The following CSMD1 variants were observed in gnomAD, a reference collection of about 807,000 sequenced individuals.
CSMD1 encodes the protein CUB and sushi domain-containing protein 1.
A neutral mutation model predicts 417.5 loss-of-function variants in CSMD1; 213 were observed. The observed-to-expected ratio is 0.51, with a 90% CI of 0.46 to 0.57. The LOEUF (loss-of-function observed/expected upper bound fraction) is 0.57, where lower values mean the gene tolerates loss of function less well. Ranked by LOEUF, CSMD1 falls within the 20% of genes least tolerant of loss-of-function variation. The pLI is 0.00. For synonymous variants in CSMD1, 2,862 were observed against 1,736.8 expected (o/e 1.65, Z -16.11); for missense variants, 6,923 against 4,529.7 (o/e 1.53, Z -15.17).
intron 2 of CSMD1, among the ~76,000 whole-genome samples, chr8:4,627,445 G>GA (rs1306489782): frequency 6.6e-6 from 1 of 151,986 alleles, no homozygotes; most frequent in African/African-American, 2.4e-5. Flanking sequence ...GATACCTGAA[G>GA]AAAAAAGAAT....
At chr8:3,493,033 C>A (rs1382099974) in intron 11 of CSMD1, among the ~76,000 whole-genome samples, 1 of 151,908 alleles carries the variant, frequency 6.6e-6, no homozygotes, top group Non-Finnish European at 1.5e-5. Context: ...TGGTTCACAC[C>A]TGTAATCCCC....
At chr8:3,832,216 C>T (rs994429627) in intron 5 of CSMD1, among the ~76,000 whole-genome samples, 6 of 152,234 alleles carry the variant, frequency 3.9e-5, no homozygotes, top group African/African-American at 7.2e-5. Flanking sequence ...TAAGCTGTGC[C>T]CTGTCCAGAC....
intron 6 of CSMD1, among the ~76,000 whole-genome samples, chr8:3,744,624 A>T (rs555682171): frequency 6.6e-6 from 1 of 152,346 alleles, no homozygotes; most frequent in South Asian, 2.1e-4. Context: ...TGCAGTGTAC[A>T]TTGTAATGCT....
At chr8:4,987,492 C>G (rs1414083396) in intron 1 of CSMD1, among the ~76,000 whole-genome samples, 2 of 152,158 alleles carry the variant, frequency 1.3e-5, no homozygotes, top group African/African-American at 2.4e-5. Context: ...TTGTAGTTAT[C>G]TCTATCATAT....
At position 3,833,740 on chromosome 8, in the gene CSMD1, G is replaced by C. The variant is rs191777402; in HGVS notation, c.819-79698C>G. Among the ~76,000 whole-genome samples the C allele has an allele frequency of 4.0e-3, 604 of 152,136 alleles. 5 individuals are homozygous for C. The highest frequency in any genetic ancestry group is 0.013 in the African/African-American group (536 of 41,512). The stretch of plus-strand genomic sequence containing the variant: ...ATAAGGTCTATGTTGGCACTTACAT[G>C]GATAATTTTTAAAATGTGGCCCTGG... On this transcript the variant is annotated intron_variant, in intron 5 of 69. Coordinates refer to ENST00000635120, the MANE Select transcript of CSMD1 (RefSeq NM_033225.6).
intron 1 of CSMD1, among the ~76,000 whole-genome samples, chr8:4,980,551 C>G (rs1485464216): frequency 6.6e-6 from 1 of 152,164 alleles, no homozygotes; most frequent in Non-Finnish European, 1.5e-5. Flanking sequence ...TTGAAATCCT[C>G]TGGACAAAAA....
intron 36 of CSMD1, among the ~76,000 whole-genome samples, chr8:3,184,831 A>T (rs1821644813): frequency 6.6e-6 from 1 of 152,022 alleles, no homozygotes; most frequent in Non-Finnish European, 1.5e-5. Context: ...TCATTCTCCA[A>T]CCTTATCCGG....
intron 1 of CSMD1, among the ~76,000 whole-genome samples, chr8:4,948,062 G>A (rs1463960855): frequency 6.6e-6 from 1 of 151,182 alleles, no homozygotes; most frequent in South Asian, 2.1e-4. Flanking sequence ...TACCATAGTA[G>A]TAGAATTTCA....
At chr8:3,266,623 A>G (rs1445751327) in intron 26 of CSMD1, among the ~76,000 whole-genome samples, 1 of 149,780 alleles carries the variant, frequency 6.7e-6, no homozygotes, top group Non-Finnish European at 1.5e-5. Context: ...AAAAAAAAAA[A>G]AAAAAGCCAG....
At chr8:3,526,930 G>T (rs929818624) in intron 10 of CSMD1, among the ~76,000 whole-genome samples, 1 of 152,116 alleles carries the variant, frequency 6.6e-6, no homozygotes, top group Non-Finnish European at 1.5e-5. Context: ...GTGTCCAGGG[G>T]ATAAGATCTT....
chr8:3,690,569 T>C (rs1800183939), intron 7 of CSMD1, among the ~76,000 whole-genome samples: 1 of 152,216 alleles, frequency 6.6e-6, no homozygotes, highest in African/African-American at 2.4e-5. Flanking sequence ...CCCTGGCAAG[T>C]GTTTTTACAT....
chr8:3,077,007 C>G (rs1021349647), intron 49 of CSMD1, among the ~76,000 whole-genome samples: 10 of 140,554 alleles, frequency 7.1e-5, no homozygotes, highest in African/African-American at 2.7e-4. Flanking sequence ...CTTCCTTCCT[C>G]CCTGTTTTTG....
At chr8:3,741,618 G>C (rs1242317100) in intron 6 of CSMD1, among the ~76,000 whole-genome samples, 1 of 152,172 alleles carries the variant, frequency 6.6e-6, no homozygotes, top group Non-Finnish European at 1.5e-5. Flanking sequence ...AGTGCAAATA[G>C]TGCAGACAGA....
At chr8:4,108,629 A>C (rs1389151634) in intron 3 of CSMD1, among the ~76,000 whole-genome samples, 2 of 152,222 alleles carry the variant, frequency 1.3e-5, no homozygotes, top group Non-Finnish European at 2.9e-5. Context: ...AGAGTCTCAG[A>C]AGAGCCTTTT....
chr8:4,445,394 C>A (rs767848324), intron 2 of CSMD1, among the ~76,000 whole-genome samples: 5 of 152,162 alleles, frequency 3.3e-5, no homozygotes, highest in Non-Finnish European at 5.9e-5. Context: ...AAATTCTATG[C>A]TTTTGGATTA....
chr8:3,874,579 G>A (rs750462255), intron 5 of CSMD1, among the ~76,000 whole-genome samples: 119 of 152,248 alleles, frequency 7.8e-4, no homozygotes, highest in Admixed American at 1.3e-3. Context: ...CTGTGATGGA[G>A]ATCTTCTTAA....
intron 39 of CSMD1, among the ~76,000 whole-genome samples, chr8:3,152,895 C>G (rs1327402983): frequency 6.6e-6 from 1 of 152,126 alleles, no homozygotes; most frequent in East Asian, 1.9e-4. Context: ...GCAGTAACAC[C>G]CTTTCCCTTA....
chr8:3,768,620 T>A (rs1483862146), intron 5 of CSMD1, among the ~76,000 whole-genome samples: 1 of 152,176 alleles, frequency 6.6e-6, no homozygotes, highest in African/African-American at 2.4e-5. Flanking sequence ...GAAGCAGGAA[T>A]TGACCATATT....
chr8:4,030,646 C>T (rs1038552149), intron 4 of CSMD1, among the ~76,000 whole-genome samples: 2 of 152,176 alleles, frequency 1.3e-5, no homozygotes, highest in Non-Finnish European at 2.9e-5. Flanking sequence ...GAGGCATTTT[C>T]CCCATGGTCT....
Sources: allele counts gnomAD v4.1 joint callset (sites outside exome capture counted in the v4.1 genomes callset), GRCh38; gene constraint gnomAD v4.1.1; transcripts MANE v1.5; gene names NCBI Gene and HGNC (gene_info 2026-07-23, HGNC 2026-07-21).